Variants in CFAP46 observed in about 807,000 individuals in gnomAD.
CFAP46 encodes cilia and flagella associated protein 46.
Under a neutral mutation model 325.7 loss-of-function variants are expected in CFAP46, and 245 were observed. That is an observed-to-expected ratio of 0.75 (90% CI 0.68 to 0.84). CFAP46 has a LOEUF of 0.84. Among genes scored for constraint, CFAP46 ranks in the 40% least tolerant of loss-of-function variants. The pLI is 0.00. For synonymous variants in CFAP46, 1,523 were observed against 1,495.9 expected, an observed-to-expected ratio of 1.02 and a Z score of -0.42; for missense variants, 3,346 against 3,543.0, an observed-to-expected ratio of 0.94 and a Z score of 1.41.
At chr10:132,861,601 C>G (rs1212623499) in intron 35 of CFAP46, among the ~76,000 whole-genome samples, 1 of 152,226 alleles carries the variant, frequency 6.6e-6, no homozygotes, top group Non-Finnish European at 1.5e-5. Context: ...GGGAGCTGGG[C>G]AGCCACATGA....
intron 11 of CFAP46, 82 bp downstream of exon 11, chr10:132,924,614 G>T: frequency 7.6e-7 from 1 of 1,318,086 alleles, no homozygotes; most frequent in Non-Finnish European, 9.8e-7. Flanking sequence ...ATGGCAAGGG[G>T]GCTTGGGCCA....
At chr10:132,837,114 C>G in intron 44 of CFAP46, 200 bp from the exon 45 acceptor site, 1 of 517,714 alleles carries the variant, frequency 1.9e-6, no homozygotes, top group Admixed American at 3.6e-5. Context: ...CAGAGGCACG[C>G]AAGAGTCACC....
At chr10:132,860,334 G>T in intron 37 of CFAP46, 83 bp downstream of exon 37, 1 of 1,038,460 alleles carries the variant, frequency 9.6e-7, no homozygotes, top group Non-Finnish European at 1.4e-6. Context: ...GCATAGACTT[G>T]ACGTATGGCA....
At chr10:132,927,639 G>A (rs12242379) in intron 9 of CFAP46, among the ~76,000 whole-genome samples, 16,389 of 152,244 alleles carry the variant, frequency 0.11, 1,580 homozygotes, top group African/African-American at 0.26. Flanking sequence ...AAAGCGTTCC[G>A]TGCTTCCCAC....
At chr10:132,861,234 G>A (rs1039867687) in intron 35 of CFAP46, among the ~76,000 whole-genome samples, 2 of 152,326 alleles carry the variant, frequency 1.3e-5, no homozygotes, top group African/African-American at 2.4e-5. Flanking sequence ...TGGGACGCCC[G>A]CCTCCCTGCC....
intron 50 of CFAP46, among the ~76,000 whole-genome samples, chr10:132,821,436 GTGAGTGCTGA>G (rs1847822632): frequency 7.0e-6 from 1 of 141,928 alleles, no homozygotes. Context: ...TGTGTGCTGT[GTGAGTGCTGA>G]TGTGTGCTGT....
Position 132,828,522 on chromosome 10 carries a change from T to C in CFAP46, c.7117+4836A>G, listed in dbSNP as rs961071367. On this transcript the variant is annotated intron_variant, in intron 50 of 57. Coordinates refer to ENST00000368586, the MANE Select transcript of CFAP46 (RefSeq NM_001200049.3). The surrounding 1 kb of genome is among the most constrained non-coding windows in gnomAD (Gnocchi z 4.9). Reference sequence around the variant, plus strand: ...TTCTCGTGAAGTATCTGTTCAAATCTTTTTTAGGGTTGTTTCTTTCTTATT... The same window carrying C: ...TTCTCGTGAAGTATCTGTTCAAATCCTTTTTAGGGTTGTTTCTTTCTTATT... Among the ~76,000 whole-genome samples, 2 of 152,236 alleles carry C rather than the reference T, an allele frequency of 1.3e-5. No individual in the cohort carries two copies. Among genetic ancestry groups the C allele is most frequent in the Non-Finnish European group, 2.9e-5 (2 of 68,048 alleles).
rs537993046 is a variant in CFAP46, at chr10:132,885,167, G to A, written c.3563C>T (p.Ala1188Val). ...TCCAGACACGCTCGGCGAGTTCAGG[G>A]CCAGGCGGTGCCACATGCGCGCCAA... is the stretch of plus-strand genomic sequence containing the variant. ...DYLARMWHRL[A>V]LNSPSVSGEL... The change falls in exon 27 of 58, where the codon GCC becomes GTC. Residue 1188 changes from alanine (A) to valine (V), a missense_variant. By Grantham distance (64) the Ala-to-Val change is moderately conservative. Coordinates refer to ENST00000368586, the MANE Select transcript of CFAP46 (RefSeq NM_001200049.3). 6.4e-7 allele frequency: 1 copy of A among 1,550,484 alleles called. No individual in the cohort carries two copies. The highest frequency in any genetic ancestry group is 1.4e-5 in the African/African-American group (1 of 73,188).
intron 8 of CFAP46, among the ~76,000 whole-genome samples, chr10:132,933,447 G>GGGCCAC (rs1332940616): frequency 1.3e-5 from 2 of 152,256 alleles, no homozygotes; most frequent in South Asian, 2.1e-4. Flanking sequence ...TGCTCGGCCA[G>GGGCCAC]GGCCACGGCC....
chr10:132,813,739 C>T (rs560538624), intron 54 of CFAP46, among the ~76,000 whole-genome samples: 39 of 152,214 alleles, frequency 2.6e-4, no homozygotes, highest in Admixed American at 1.1e-3. Flanking sequence ...GAGCCTGTGA[C>T]GTGGAACGAT....
chr10:132,898,310 C>T (rs1849344957), intron 24 of CFAP46, among the ~76,000 whole-genome samples: 1 of 152,222 alleles, frequency 6.6e-6, no homozygotes, highest in Non-Finnish European at 1.5e-5. Flanking sequence ...GTCCACAAGG[C>T]TGAGGCTTGT....
Position 132,891,529 on chromosome 10 carries a change from T to C in CFAP46, c.3304+804A>G, listed in dbSNP as rs1270255169. Among the ~76,000 whole-genome samples the C allele has an allele frequency of 3.3e-5, 5 of 152,248 alleles. No homozygotes were observed. The East Asian group carries it at 9.6e-4, about 29-fold the overall frequency. ...GCCTGAAAGAGATCCAAGTATTTCATACCCAAGTATCTTTCTCTGACATAT... is the reference window on the plus strand; with the variant it reads ...GCCTGAAAGAGATCCAAGTATTTCACACCCAAGTATCTTTCTCTGACATAT... On this transcript the variant is annotated intron_variant, in intron 25 of 57. Coordinates refer to ENST00000368586, the MANE Select transcript of CFAP46 (RefSeq NM_001200049.3).
At chr10:132,855,628 T>G (rs1314739923) in intron 39 of CFAP46, among the ~76,000 whole-genome samples, 4 of 152,210 alleles carry the variant, frequency 2.6e-5, no homozygotes, top group Non-Finnish European at 5.9e-5. Flanking sequence ...GGGGGACAAA[T>G]GAATACTTGT....
chr10:132,812,769 A>C lies in CFAP46; in HGVS notation c.7501+16T>G. ...TGTGCCCGCGGGGGAGGGGGTGCTG[A>C]GAGGACACCTCTCACCTTGCAAGTT... On this transcript the variant is annotated intron_variant, in intron 55 of 57. Transcript: ENST00000368586. The C allele has an allele frequency of 1.3e-6, 2 of 1,593,594 alleles. No individual in the cohort carries two copies. The highest frequency in any genetic ancestry group is 1.7e-6 in the Non-Finnish European group (2 of 1,163,722).
chr10:132,826,327 GAGCC>G lies in CFAP46; in HGVS notation c.7117+7027_7117+7030del, dbSNP rs1397978626. 2.0e-5 allele frequency among the ~76,000 whole-genome samples: 3 copies of G among 146,392 alleles called. No individual in the cohort carries two copies. In the East Asian group the frequency reaches 6.2e-4, roughly 30 times the overall value. On this transcript the variant is annotated intron_variant, in intron 50 of 57. Transcript: ENST00000368586. ...GAGCCAGGCAGGAGTCGGAGCCACG[GAGCC>G]AGGCAGGAACTGGAGCCACAGAGAC...
rs780614376 is a variant in CFAP46 at position 132,814,591 on chromosome 10, T to A, written c.7271A>T (p.Glu2424Val). 1 of 1,569,410 alleles carries A rather than the reference T, an allele frequency of 6.4e-7. No homozygotes were observed. The highest frequency in any genetic ancestry group is 2.3e-5 in the East Asian group (1 of 43,124). The change falls in exon 53 of 58, where the codon GAG (glutamate) becomes GTG (valine). Residue 2424 changes from glutamate (E) to valine (V), a missense_variant. Transcript: ENST00000368586. ...GCAGCACCCACCTGGGCCCTGGGCC[T>A]CCTCGTATGGGTCCACGACGACTGG... ...NFKFVVDPYEEAQGPEMLTPV... is the reference protein window; with the variant it reads ...NFKFVVDPYEVAQGPEMLTPV...
Position 132,828,337 on chromosome 10 carries a change from G to A in CFAP46, c.7117+5021C>T, listed in dbSNP as rs1241743243. Among the ~76,000 whole-genome samples, 2 of 152,170 alleles carry A rather than the reference G, an allele frequency of 1.3e-5. No individual in the cohort carries two copies. The highest frequency in any genetic ancestry group is 4.8e-5 in the African/African-American group (2 of 41,438). On this transcript the variant is annotated intron_variant, in intron 50 of 57. Coordinates refer to ENST00000368586, the MANE Select transcript of CFAP46 (RefSeq NM_001200049.3). This position sits in a 1 kb window ranked among gnomAD's most constrained non-coding sequence, Gnocchi z 4.9. Reference sequence around the variant, plus strand: ...CCCACCAGCCGAGTATGAGGGTTCCGGTTCCACACCCTCCCAACACGCGCT... The same window carrying A: ...CCCACCAGCCGAGTATGAGGGTTCCAGTTCCACACCCTCCCAACACGCGCT...
In CFAP46 at chr10:132,876,937, G is replaced by A; in HGVS notation, c.4237C>T (p.Gln1413Ter). ...KQSQSPAPIK[Q>*]LEDLPMSIEE... ...ATGCTCATGGGTAAGTCTTCCAGTT[G>A]TTTGATAGGAGCTGGGCTTTGAGAC... The change falls in exon 31 of 58, where the codon CAA (glutamine) becomes TAA (stop). Residue 1413 changes from glutamine to a stop codon, truncating the protein, a stop_gained. Coordinates refer to ENST00000368586, the MANE Select transcript of CFAP46 (RefSeq NM_001200049.3). LOFTEE classifies it high-confidence loss of function. This position sits in a 1 kb window ranked among gnomAD's most constrained non-coding sequence, Gnocchi z 4.1. The A allele has an allele frequency of 1.3e-6, 2 of 1,550,378 alleles. No homozygotes were observed. Among genetic ancestry groups the A allele is most frequent in the Non-Finnish European group, 1.7e-6 (2 of 1,146,910 alleles).
At chr10:132,923,810 T>C (rs1302207291) in intron 11 of CFAP46, among the ~76,000 whole-genome samples, 1 of 152,190 alleles carries the variant, frequency 6.6e-6, no homozygotes, top group Admixed American at 6.5e-5. Flanking sequence ...GATGCTGGCC[T>C]GACACAGACT....
Sources: allele counts gnomAD v4.1 joint callset (sites outside exome capture counted in the v4.1 genomes callset), GRCh38; gene constraint gnomAD v4.1.1; non-coding constraint Gnocchi (gnomAD v3.1); transcripts MANE v1.5; gene names NCBI Gene and HGNC (gene_info 2026-07-23, HGNC 2026-07-21).